The following URI1 variants were observed in gnomAD, a reference collection of about 807,000 sequenced individuals.
URI1 encodes the protein unconventional prefoldin RPB5 interactor 1.
Under a neutral mutation model 60.2 loss-of-function variants are expected in URI1, and 39 were observed. The observed-to-expected ratio is 0.65, with a 90% confidence interval of 0.50 to 0.85. URI1 has a LOEUF of 0.85. URI1 is among the 40% of genes least tolerant of loss of function. The probability of loss-of-function intolerance (pLI) is 0.00; values close to 1 mark genes in which losing one functional copy is unlikely to be tolerated. For missense variants in URI1, 691 were observed against 665.9 expected, an observed-to-expected ratio of 1.04 and a Z score of -0.42; for synonymous variants, 251 against 236.8, an observed-to-expected ratio of 1.06 and a Z score of -0.55.
chr19:29,965,625 T>TA (rs1318111057), intron 1 of URI1, among the ~76,000 whole-genome samples: 2 of 152,222 alleles, frequency 1.3e-5, no homozygotes, highest in Admixed American at 1.3e-4. Context: ...CCAGAACAGT[T>TA]AGAGTTCCTG....
chr19:29,939,836 T>C (rs1444186605), upstream of URI1, among the ~76,000 whole-genome samples: 1 of 152,000 alleles, frequency 6.6e-6, no homozygotes, highest in East Asian at 1.9e-4. Flanking sequence ...AGAGAAATTG[T>C]TGTGGTTGGC....
chr19:29,971,876 A>G (rs2055465033), intron 2 of URI1, among the ~76,000 whole-genome samples: 1 of 152,074 alleles, frequency 6.6e-6, no homozygotes, highest in Non-Finnish European at 1.5e-5. Context: ...ATCAAATTAC[A>G]ATATATCCAT....
At chr19:29,959,757 CTCT>C (rs2055298568) in intron 1 of URI1, among the ~76,000 whole-genome samples, 4 of 151,726 alleles carry the variant, frequency 2.6e-5, no homozygotes, top group Non-Finnish European at 4.4e-5. Flanking sequence ...CCCTTGATTT[CTCT>C]TCTTAAGGGT....
intron 6 of URI1, 86 bp downstream of exon 6, chr19:30,005,794 G>C (rs2055935176): frequency 1.6e-6 from 2 of 1,260,592 alleles, no homozygotes; most frequent in South Asian, 2.8e-5. Context: ...AGATATTTGG[G>C]ATTTAGAATA....
In URI1 at chr19:29,971,233, T is replaced by G; in HGVS notation, c.152+6T>G. On this transcript the variant is annotated splice_donor_region_variant and intron_variant, in intron 2 of 10. Transcript: ENST00000392271. Reference sequence around the variant, plus strand: ...CAAGAGAGAATCCAGCATTGGTGAGTGAAAGATGGTTTTATTACACTTCTG... The same window carrying G: ...CAAGAGAGAATCCAGCATTGGTGAGGGAAAGATGGTTTTATTACACTTCTG... 1 of 1,612,186 alleles carries G rather than the reference T, an allele frequency of 6.2e-7. No homozygotes were observed. The highest frequency in any genetic ancestry group is 8.5e-7 in the Non-Finnish European group (1 of 1,179,162).
At chr19:29,926,839 G>T (rs935183142) in intron 1 of URI1, among the ~76,000 whole-genome samples, 2 of 152,208 alleles carry the variant, frequency 1.3e-5, no homozygotes, top group Non-Finnish European at 2.9e-5. Flanking sequence ...AGGGATGGGG[G>T]TTGGGAAGTT....
chr19:29,944,219 A>C (rs1278797712), intron 1 of URI1, among the ~76,000 whole-genome samples: 1 of 117,472 alleles, frequency 8.5e-6, no homozygotes, highest in Non-Finnish European at 1.8e-5. Context: ...GGCGTCTTTA[A>C]ATTAGAAGAC....
upstream of URI1, among the ~76,000 whole-genome samples, chr19:29,938,794 A>G (rs1361890991): frequency 1.3e-5 from 2 of 151,530 alleles, no homozygotes; most frequent in African/African-American, 4.9e-5. Flanking sequence ...CTCCTGCCTC[A>G]GCCTCCTGAG....
intron 1 of URI1, among the ~76,000 whole-genome samples, chr19:29,964,441 CT>C (rs2055364188): frequency 7.3e-6 from 1 of 136,960 alleles, no homozygotes; most frequent in African/African-American, 2.7e-5. Flanking sequence ...GTGGTGGTTT[CT>C]TTTGTTTTTG....
At chr19:29,935,714 T>TC (rs2054964277) in intron 1 of URI1, among the ~76,000 whole-genome samples, 1 of 149,240 alleles carries the variant, frequency 6.7e-6, no homozygotes, top group African/African-American at 2.5e-5. Context: ...TTTTTTTTTT[T>TC]CCCCAGGACT....
chr19:29,931,910 T>TGTG (rs745589583), intron 1 of URI1, among the ~76,000 whole-genome samples: 1 of 139,992 alleles, frequency 7.1e-6, no homozygotes, highest in Non-Finnish European at 1.5e-5. Context: ...GCTCTAACAG[T>TGTG]TGTGTGTGTG....
intron 1 of URI1, among the ~76,000 whole-genome samples, chr19:29,970,772 ATT>A (rs1384786010): frequency 1.3e-5 from 2 of 152,104 alleles, no homozygotes; most frequent in Admixed American, 6.5e-5. Flanking sequence ...AAAATAAAAT[ATT>A]GTCACTACAG....
intron 1 of URI1, 153 bp from the exon 2 acceptor site, chr19:29,971,040 A>G: frequency 1.4e-6 from 1 of 691,560 alleles, no homozygotes; most frequent in Non-Finnish European, 2.5e-6. Context: ...TTAAAAACTA[A>G]CGTTCACATC....
chr19:29,966,186 TC>T (rs2055389258), intron 1 of URI1, among the ~76,000 whole-genome samples: 2 of 152,136 alleles, frequency 1.3e-5, no homozygotes, highest in Admixed American at 6.6e-5. Context: ...TCTGTCTGTC[TC>T]CCAGGCTGGA....
At chr19:29,944,310 C>T (rs973116246) in intron 1 of URI1, among the ~76,000 whole-genome samples, 5 of 149,924 alleles carry the variant, frequency 3.3e-5, no homozygotes, top group African/African-American at 4.9e-5. Flanking sequence ...CTCCTTTTGC[C>T]AAAACTTGGC....
chr19:30,006,986 G>C (rs1037445003), intron 6 of URI1, among the ~76,000 whole-genome samples: 3 of 152,052 alleles, frequency 2.0e-5, no homozygotes, highest in Admixed American at 6.6e-5. Flanking sequence ...TTCCTTGGCA[G>C]TGCCCTGGAG....
At chr19:29,934,581 GC>G (rs2054952284) in intron 1 of URI1, among the ~76,000 whole-genome samples, 1 of 152,158 alleles carries the variant, frequency 6.6e-6, no homozygotes, top group African/African-American at 2.4e-5. Context: ...TGTAGCCCAG[GC>G]TGTAGTGCAG....
intron 1 of URI1, among the ~76,000 whole-genome samples, chr19:29,961,999 T>C (rs2055332003): frequency 6.6e-6 from 1 of 152,194 alleles, no homozygotes; most frequent in African/African-American, 2.4e-5. Context: ...TCGATTCTTC[T>C]GGGTATGCTC....
chr19:29,946,689 T>A (rs1221326158), intron 1 of URI1, among the ~76,000 whole-genome samples: 1 of 152,236 alleles, frequency 6.6e-6, no homozygotes, highest in Non-Finnish European at 1.5e-5. Context: ...GGTTTTCATA[T>A]TTCTTGTGAT....
Sources: allele counts gnomAD v4.1 joint callset (sites outside exome capture counted in the v4.1 genomes callset), GRCh38; gene constraint gnomAD v4.1.1; transcripts MANE v1.5; gene names NCBI Gene and HGNC (gene_info 2026-07-23, HGNC 2026-07-21).